The following ARHGAP20 variants were observed in gnomAD, a reference collection of about 807,000 sequenced individuals.
The protein encoded by ARHGAP20 is rho GTPase-activating protein 20.
A neutral mutation model predicts 73.7 loss-of-function variants in ARHGAP20; 34 were observed. The ratio of observed to expected loss-of-function variants is 0.46; its 90% confidence interval spans 0.35 to 0.61. ARHGAP20 has a LOEUF of 0.61. Among genes scored for constraint, ARHGAP20 ranks in the 20% least tolerant of loss-of-function variants. ARHGAP20 has a pLI of 0.00. For synonymous variants in ARHGAP20, 523 were observed against 518.2 expected (o/e 1.01, Z -0.13); for missense variants, 1,314 against 1,420.9 (o/e 0.92, Z 1.21).
At chr11:110,590,860 G>C (rs1202924533) in intron 10 of ARHGAP20, 51 bp from the exon 11 acceptor site, 2 of 1,552,972 alleles carry the variant, frequency 1.3e-6, no homozygotes, top group Admixed American at 3.6e-5. Context: ...ACACACACAA[G>C]GGAATGTACA....
intron 14 of ARHGAP20, 41 bp downstream of exon 14, chr11:110,582,280 T>A (rs753911660): frequency 6.9e-7 from 1 of 1,457,120 alleles, no homozygotes; most frequent in East Asian, 2.3e-5. Context: ...AACAACCATG[T>A]GTCTGTTTCT....
In ARHGAP20 at chr11:110,711,958, G is replaced by A. The variant is rs1057321109; in HGVS notation, c.105+169C>T. ...GCGGGAGGCGGCGGCGCTGCCGCTG[G>A]CCGTCAAGGGCGGGAAGTGTTCTGG... On this transcript the variant is annotated intron_variant, in intron 1 of 14. Coordinates refer to ENST00000683387, the MANE Select transcript of ARHGAP20 (RefSeq NM_001384657.1). 16 of 1,252,644 alleles carry A rather than the reference G, an allele frequency of 1.3e-5. 1 individual carries two copies. In the African/African-American group the frequency reaches 2.5e-4, roughly 19 times the overall value. 77.6% of individuals were successfully genotyped at this position (1,252,644 alleles called of 1,614,324 possible).
chr11:110,690,435 G>T, intron 2 of ARHGAP20, 112 bp downstream of exon 2: 2 of 1,027,062 alleles, frequency 1.9e-6, no homozygotes, highest in Non-Finnish European at 2.9e-6. Flanking sequence ...GAATTCTGGT[G>T]CTGATAACAA....
rs1458744623 is a variant in ARHGAP20, at chr11:110,660,054, TAAAAAAC to T, written c.189-29269_189-29263del. ...ATGTACCCTAAAACTTAAAGTATAA[TAAAAAAC>T]AAAAAAAAAAAAAAAAAGAAAATAC... is the stretch of plus-strand genomic sequence containing the variant. On this transcript the variant is annotated intron_variant, in intron 2 of 14. Coordinates refer to ENST00000683387, the MANE Select transcript of ARHGAP20 (RefSeq NM_001384657.1). Among the ~76,000 whole-genome samples, 3 of 47,268 alleles carry T rather than the reference TAAAAAAC, an allele frequency of 6.3e-5. No homozygotes were observed. In the East Asian group the frequency reaches 1.6e-3, roughly 25 times the overall value. 31.0% of individuals were successfully genotyped at this position (47,268 alleles called of 152,430 possible). A position where few individuals can be genotyped will look rare whatever the true frequency, so the allele number is the denominator to read the frequency against.
intron 2 of ARHGAP20, among the ~76,000 whole-genome samples, chr11:110,688,008 T>C (rs1269886661): frequency 2.0e-5 from 3 of 152,352 alleles, no homozygotes; most frequent in East Asian, 3.9e-4. Flanking sequence ...AAATTTAGTA[T>C]TCATTGAAAT....
chr11:110,690,179 TCCATGCACAG>T (rs2135116253), intron 2 of ARHGAP20, among the ~76,000 whole-genome samples: 1 of 152,304 alleles, frequency 6.6e-6, no homozygotes, highest in South Asian at 2.1e-4. Flanking sequence ...AACTGCCTTA[TCCATGCACAG>T]CCATCACTTT....
rs773018055 is a variant in ARHGAP20, at chr11:110,581,098, A to G, written c.1848T>C (p.Ser616=). 1 of 1,614,232 alleles carries G rather than the reference A, an allele frequency of 6.2e-7. No individual in the cohort carries two copies. The highest frequency in any genetic ancestry group is 8.5e-7 in the Non-Finnish European group (1 of 1,180,030). ...KLGQGSRSMD[S]VLTLSDYDLD... is the part of the protein sequence containing the mutation. ...GATCATAGTCACTGAGGGTTAAGACAGAGTCCATGCTTCTGCTCCCCTGGC... is the reference window on the plus strand; with the variant it reads ...GATCATAGTCACTGAGGGTTAAGACGGAGTCCATGCTTCTGCTCCCCTGGC... The change falls in exon 15 of 15, where the codon TCT becomes TCC. Residue 616 remains serine (S), a synonymous_variant. Transcript: ENST00000683387.
intron 2 of ARHGAP20, among the ~76,000 whole-genome samples, chr11:110,634,598 C>G (rs1415330347): frequency 6.6e-6 from 1 of 152,112 alleles, no homozygotes; most frequent in African/African-American, 2.4e-5. Flanking sequence ...GAGTGCTAAT[C>G]CAAGCCTTTT....
intron 10 of ARHGAP20, among the ~76,000 whole-genome samples, chr11:110,591,203 A>T (rs896474301): frequency 6.6e-6 from 1 of 152,224 alleles, no homozygotes; most frequent in African/African-American, 2.4e-5. Context: ...GTGTAAGAAG[A>T]GAATGGGTTT....
At chr11:110,609,530 T>C (rs1948317322) in intron 7 of ARHGAP20, among the ~76,000 whole-genome samples, 1 of 152,182 alleles carries the variant, frequency 6.6e-6, no homozygotes, top group Admixed American at 6.5e-5. Flanking sequence ...TGGCTTTAGT[T>C]TAGGCAAGTT....
At chr11:110,695,086 G>T (rs1331529197) in intron 1 of ARHGAP20, among the ~76,000 whole-genome samples, 1 of 151,598 alleles carries the variant, frequency 6.6e-6, no homozygotes, top group Admixed American at 6.6e-5. Flanking sequence ...ACATCTGCCT[G>T]ACAATAAAGT....
At position 110,577,195 on chromosome 11, in the gene ARHGAP20, G is replaced by A. The variant is rs1947304602; in HGVS notation, c.*2175C>T. 6.6e-7 allele frequency: 1 copy of A among 1,524,510 alleles called. No homozygotes were observed. The highest frequency in any genetic ancestry group is 1.4e-5 in the African/African-American group (1 of 72,700). The allele number at this position is 1,524,510 out of a possible 1,614,324, so 94.4% of individuals were successfully genotyped here. A position where few individuals can be genotyped will look rare whatever the true frequency, so the allele number is the denominator to read the frequency against. ...CACATTTATTACATAACATATGGTA[G>A]TAAAATTTGTCAAGATATATTATAC... On this transcript the variant is annotated 3_prime_UTR_variant, in exon 15 of 15. Coordinates refer to ENST00000683387, the MANE Select transcript of ARHGAP20 (RefSeq NM_001384657.1).
intron 1 of ARHGAP20, among the ~76,000 whole-genome samples, chr11:110,706,468 C>T (rs1336052137): frequency 1.3e-5 from 2 of 151,944 alleles, no homozygotes; most frequent in Non-Finnish European, 1.5e-5. Context: ...ATTCAAGTTC[C>T]TCCTCATGAT....
chr11:110,712,176 G>C lies in ARHGAP20; in HGVS notation c.56C>G (p.Ser19Cys). 1 of 1,369,252 alleles carries C rather than the reference G, an allele frequency of 7.3e-7. No individual in the cohort carries two copies. Among genetic ancestry groups the C allele is most frequent in the South Asian group, 2.2e-5 (1 of 45,190 alleles). 84.8% of individuals were successfully genotyped at this position (1,369,252 alleles called of 1,614,324 possible). A position where few individuals can be genotyped will look rare whatever the true frequency, so the allele number is the denominator to read the frequency against. ...ETLGGQPGRS[S>C]SLTGVSRLAG... ...GAGCCGAGACACTCCTGTCAGGGAA[G>C]AGGAGCGCCCCGGCTGTCCCCCTAG... The change falls in exon 1 of 15, where the codon TCT becomes TGT. Residue 19 changes from serine (S) to cysteine (C), a missense_variant. Coordinates refer to ENST00000683387, the MANE Select transcript of ARHGAP20 (RefSeq NM_001384657.1).
At chr11:110,695,642 C>G (rs1053698060) in intron 1 of ARHGAP20, among the ~76,000 whole-genome samples, 2 of 151,526 alleles carry the variant, frequency 1.3e-5, no homozygotes, top group Non-Finnish European at 3.0e-5. Context: ...CCACATCACA[C>G]ACATTAGGAC....
rs147166988 is a variant in ARHGAP20, at chr11:110,588,275, C to T, written c.1306-1950G>A. Among the ~76,000 whole-genome samples, 77 of 152,286 alleles carry T rather than the reference C, an allele frequency of 5.1e-4. 1 individual carries two copies. Among genetic ancestry groups the T allele is most frequent in the African/African-American group, 1.8e-3 (74 of 41,558 alleles). ...CCAAAACCAGAGCCAAGGCCATCAG[C>T]AGAACCCTCAAAGTCATCTGAGATG... On this transcript the variant is annotated intron_variant, in intron 11 of 14. Transcript: ENST00000683387.
At chr11:110,703,995 A>G (rs1950508738) in intron 1 of ARHGAP20, among the ~76,000 whole-genome samples, 1 of 152,204 alleles carries the variant, frequency 6.6e-6, no homozygotes, top group South Asian at 2.1e-4. Flanking sequence ...TAATTGTCAG[A>G]CACAACCGCA....
At chr11:110,664,836 C>T (rs940399663) in intron 2 of ARHGAP20, among the ~76,000 whole-genome samples, 4 of 151,650 alleles carry the variant, frequency 2.6e-5, no homozygotes, top group East Asian at 3.9e-4. Flanking sequence ...ACCAGTACAC[C>T]GCAAACTACA....
At chr11:110,655,175 AT>A (rs1443555184) in intron 2 of ARHGAP20, among the ~76,000 whole-genome samples, 3 of 152,210 alleles carry the variant, frequency 2.0e-5, no homozygotes, top group Non-Finnish European at 4.4e-5. Flanking sequence ...CCACAACTTA[AT>A]GTGCCCAAAA....
Sources: gnomAD v4.1 joint callset for allele counts (sites outside exome capture counted in the v4.1 genomes callset) on GRCh38, gnomAD v4.1.1 for gene constraint, MANE v1.5 for transcripts, NCBI Gene and HGNC (gene_info 2026-07-23, HGNC 2026-07-21) for gene names.